The following MACROD2 variants were observed in gnomAD, a reference collection of about 807,000 sequenced individuals.
MACROD2 encodes ADP-ribose glycohydrolase MACROD2.
MACROD2 carries 36 observed loss-of-function variants against 70.4 expected under a neutral mutation model. The observed-to-expected ratio is 0.51, with a 90% CI of 0.39 to 0.68. The LOEUF is 0.68. MACROD2 is among the 30% of genes least tolerant of loss of function. The pLI is 0.00. For missense variants in MACROD2, 496 were observed against 538.4 expected, an observed-to-expected ratio of 0.92 and a Z score of 0.78; for synonymous variants, 172 against 178.8, an observed-to-expected ratio of 0.96 and a Z score of 0.30.
intron 3 of MACROD2, among the ~76,000 whole-genome samples, chr20:14,215,700 C>A (rs990169215): frequency 2.6e-5 from 4 of 152,088 alleles, no homozygotes; most frequent in Non-Finnish European, 2.9e-5. Context: ...TTGATTATGT[C>A]CATTCTTGCA....
At chr20:15,378,283 GA>G (rs11087133) in intron 6 of MACROD2, among the ~76,000 whole-genome samples, 9,202 of 87,470 alleles carry the variant, frequency 0.11, 371 homozygotes, top group East Asian at 0.21. Flanking sequence ...CAATAAAATT[GA>G]AAAAAAAAAA....
intron 5 of MACROD2, among the ~76,000 whole-genome samples, chr20:14,955,845 A>C (rs1283013437): frequency 6.6e-6 from 1 of 152,176 alleles, no homozygotes; most frequent in African/African-American, 2.4e-5. Flanking sequence ...CATCTGGGAT[A>C]AATAAAAGAA....
intron 6 of MACROD2, among the ~76,000 whole-genome samples, chr20:15,312,623 A>G (rs1263837521): frequency 6.6e-6 from 1 of 152,190 alleles, no homozygotes; most frequent in East Asian, 1.9e-4. Flanking sequence ...AAGGAAATGT[A>G]TGTTGTGTAT....
At chr20:15,598,641 G>A (rs1382238960) in intron 8 of MACROD2, among the ~76,000 whole-genome samples, 1 of 152,162 alleles carries the variant, frequency 6.6e-6, no homozygotes, top group Non-Finnish European at 1.5e-5. Flanking sequence ...GAATAGGGTT[G>A]GGTCAGGGCA....
chr20:14,569,220 C>T lies in MACROD2; in HGVS notation c.301+75712C>T, dbSNP rs574070874. 1.2e-4 allele frequency among the ~76,000 whole-genome samples: 18 copies of T among 151,998 alleles called. No individual in the cohort carries two copies. In the East Asian group the frequency reaches 3.5e-3, roughly 29 times the overall value. On this transcript the variant is annotated intron_variant, in intron 4 of 17. Coordinates refer to ENST00000684519, the MANE Select transcript of MACROD2 (RefSeq NM_001351661.2). Reference sequence around the variant, plus strand: ...TACATTTCTAGCTAAATCTATGCTGCATTTTTAGAGACAAAATAGCATACA... The same window carrying T: ...TACATTTCTAGCTAAATCTATGCTGTATTTTTAGAGACAAAATAGCATACA...
chr20:14,225,138 G>C (rs376949767), intron 3 of MACROD2, among the ~76,000 whole-genome samples: 74 of 152,282 alleles, frequency 4.9e-4, no homozygotes, highest in African/African-American at 1.7e-3. Context: ...TATAATGGCA[G>C]AATAATTTGT....
chr20:15,574,078 A>G (rs781345974), intron 8 of MACROD2, among the ~76,000 whole-genome samples: 1 of 151,886 alleles, frequency 6.6e-6, no homozygotes, highest in Non-Finnish European at 1.5e-5. Context: ...TGGCAATACT[A>G]CTCTTACCAC....
chr20:15,005,715 C>G (rs2075030452), intron 5 of MACROD2, among the ~76,000 whole-genome samples: 1 of 152,104 alleles, frequency 6.6e-6, no homozygotes, highest in Non-Finnish European at 1.5e-5. Context: ...TTCTGAGATT[C>G]ACTGAGAGTC....
chr20:14,299,309 A>G (rs1248227103), intron 3 of MACROD2, among the ~76,000 whole-genome samples: 6 of 152,176 alleles, frequency 3.9e-5, no homozygotes, highest in Non-Finnish European at 5.9e-5. Context: ...GTATTTTTTA[A>G]TTGAGATATA....
intron 3 of MACROD2, among the ~76,000 whole-genome samples, chr20:14,213,729 C>T (rs919113655): frequency 1.2e-4 from 18 of 151,880 alleles, no homozygotes; most frequent in East Asian, 9.6e-4. Flanking sequence ...AGTTTTTCTT[C>T]GGCAGTCAAA....
intron 3 of MACROD2, among the ~76,000 whole-genome samples, chr20:14,118,891 A>T (rs1486032087): frequency 7.1e-6 from 1 of 139,890 alleles, no homozygotes; most frequent in Non-Finnish European, 1.5e-5. Context: ...TCTTACCCAG[A>T]TTGGAGTGCA....
intron 15 of MACROD2, among the ~76,000 whole-genome samples, chr20:15,989,524 C>A (rs963820985): frequency 1.3e-5 from 2 of 152,042 alleles, no homozygotes; most frequent in Non-Finnish European, 1.5e-5. Context: ...AAAAAAGAAA[C>A]CATTGAGCTG....
intron 3 of MACROD2, among the ~76,000 whole-genome samples, chr20:14,167,055 C>T (rs767791450): frequency 6.6e-5 from 10 of 152,180 alleles, no homozygotes; most frequent in Non-Finnish European, 1.3e-4. Context: ...CTCAGCAGGT[C>T]AGCACATGTA....
At chr20:14,933,897 T>G (rs2074317876) in intron 5 of MACROD2, 1 of 152,224 alleles carries the variant, frequency 6.6e-6, no homozygotes, top group African/African-American at 2.4e-5. Flanking sequence ...CTTATTTTGT[T>G]CTAGGGATGC....
intron 5 of MACROD2, among the ~76,000 whole-genome samples, chr20:14,794,741 T>G (rs189607984): frequency 6.6e-6 from 1 of 152,262 alleles, no homozygotes; most frequent in East Asian, 1.9e-4. Flanking sequence ...TACTGGGGTC[T>G]TATAAGTGCC....
At chr20:15,438,757 C>T (rs2046459059) in intron 7 of MACROD2, among the ~76,000 whole-genome samples, 1 of 152,184 alleles carries the variant, frequency 6.6e-6, no homozygotes, top group Admixed American at 6.6e-5. Flanking sequence ...TCTGCATATC[C>T]TTTGCACACC....
chr20:15,426,546 A>G (rs1377496567), intron 6 of MACROD2, among the ~76,000 whole-genome samples: 1 of 151,808 alleles, frequency 6.6e-6, no homozygotes, highest in East Asian at 1.9e-4. Context: ...GGGTTTCACC[A>G]TGTTGCCCAG....
intron 3 of MACROD2, among the ~76,000 whole-genome samples, chr20:14,146,350 T>C (rs1399521869): frequency 6.6e-6 from 1 of 152,138 alleles, no homozygotes. Context: ...CAAAGATTTC[T>C]GTCAGTATCG....
chr20:14,165,350 A>G (rs1372219502), intron 3 of MACROD2, among the ~76,000 whole-genome samples: 1 of 152,034 alleles, frequency 6.6e-6, no homozygotes, highest in Non-Finnish European at 1.5e-5. Flanking sequence ...TCATTTCCCC[A>G]CATTAGGGAG....
Sources: gnomAD v4.1 joint callset for allele counts (sites outside exome capture counted in the v4.1 genomes callset) on GRCh38, gnomAD v4.1.1 for gene constraint, MANE v1.5 for transcripts, NCBI Gene and HGNC (gene_info 2026-07-23, HGNC 2026-07-21) for gene names.